Variants in LRRFIP1 observed in about 807,000 individuals in gnomAD.
The protein encoded by LRRFIP1 is leucine-rich repeat flightless-interacting protein 1.
LRRFIP1 carries 62 observed loss-of-function variants against 104.4 expected under a neutral mutation model. The ratio of observed to expected loss-of-function variants is 0.59; its 90% CI spans 0.48 to 0.73. LRRFIP1 has a LOEUF of 0.73. Ranked by LOEUF, LRRFIP1 falls within the 30% of genes least tolerant of loss-of-function variation. The pLI is 0.00. For synonymous variants in LRRFIP1, 300 were observed against 299.0 expected, an observed-to-expected ratio of 1.00 and a Z score of -0.03; for missense variants, 796 against 824.5, an observed-to-expected ratio of 0.97 and a Z score of 0.42.
intron 4 of LRRFIP1, among the ~76,000 whole-genome samples, chr2:237,718,845 A>G (rs1450786550): frequency 1.3e-5 from 2 of 152,230 alleles, no homozygotes. Context: ...TAGGCAAACC[A>G]TCATTTTAGG....
chr2:237,639,581 G>A (rs554902563), intron 1 of LRRFIP1, among the ~76,000 whole-genome samples: 16 of 152,100 alleles, frequency 1.1e-4, no homozygotes, highest in Non-Finnish European at 2.2e-4. Flanking sequence ...TGTTCTGCAC[G>A]GTTTATCTTT....
Position 237,717,807 on chromosome 2 carries a change from A to G in LRRFIP1, c.247A>G (p.Met83Val). The G allele has an allele frequency of 6.8e-6, 11 of 1,610,928 alleles. No individual in the cohort carries two copies. The highest frequency in any genetic ancestry group is 9.3e-6 in the Non-Finnish European group (11 of 1,177,070). ...AAAATGGGGTGACATCGAGCAGTGG[A>G]TGGTAGGCCTTGAATATAATTTTGT... is the stretch of plus-strand genomic sequence containing the variant. ...DTKWGDIEQW[M>V]EDSERYSRRS... The change falls in exon 4 of 24, where the codon ATG (methionine) becomes GTG (valine). Residue 83 changes from methionine to valine, a missense_variant and splice_region_variant. Coordinates refer to ENST00000308482, the MANE Select transcript of LRRFIP1 (RefSeq NM_001137550.2). This position sits in a 1 kb window ranked among gnomAD's most constrained non-coding sequence, Gnocchi z 4.2.
intron 1 of LRRFIP1, among the ~76,000 whole-genome samples, chr2:237,676,967 T>C (rs1460875074): frequency 1.3e-5 from 2 of 152,250 alleles, no homozygotes; most frequent in African/African-American, 4.8e-5. Flanking sequence ...GCTTTCGTCT[T>C]CCTCCTTTTG....
chr2:237,665,537 G>A (rs1025454655), intron 1 of LRRFIP1, among the ~76,000 whole-genome samples: 1 of 151,942 alleles, frequency 6.6e-6, no homozygotes, highest in African/African-American at 2.4e-5. Flanking sequence ...TTAAAATTGG[G>A]GTTTTATTCT....
At chr2:237,727,617 TTAAAAC>T (rs1245788438) in intron 7 of LRRFIP1, among the ~76,000 whole-genome samples, 2 of 152,154 alleles carry the variant, frequency 1.3e-5, no homozygotes, top group African/African-American at 4.8e-5. Context: ...TGGTGCCACT[TTAAAAC>T]TAAGAGTGGC....
At chr2:237,722,895 G>A (rs147036641) in intron 6 of LRRFIP1, among the ~76,000 whole-genome samples, 56 of 152,288 alleles carry the variant, frequency 3.7e-4, no homozygotes, top group African/African-American at 1.2e-3. Context: ...CACCGAACAG[G>A]GCACTCCCCA....
chr2:237,723,710 G>A, intron 7 of LRRFIP1, 124 bp downstream of exon 7: 2 of 1,200,338 alleles, frequency 1.7e-6, no homozygotes, highest in Admixed American at 1.8e-5. Context: ...GGGCTATGAG[G>A]CCAGGAGGGC....
chr2:237,633,706 C>A (rs2082712177), intron 1 of LRRFIP1, among the ~76,000 whole-genome samples: 1 of 152,060 alleles, frequency 6.6e-6, no homozygotes, highest in Admixed American at 6.5e-5. Flanking sequence ...AGTTCCGAGT[C>A]TCTCTGTTTG....
chr2:237,772,987 A>C (rs373944679), intron 22 of LRRFIP1, 42 bp downstream of exon 22: 23 of 1,503,548 alleles, frequency 1.5e-5, no homozygotes, highest in Non-Finnish European at 2.1e-5. Context: ...GATTGACTGG[A>C]GTTTTACTTG....
intron 8 of LRRFIP1, among the ~76,000 whole-genome samples, chr2:237,733,289 C>T (rs777764499): frequency 5.9e-5 from 9 of 152,244 alleles, no homozygotes; most frequent in Non-Finnish European, 1.0e-4. Flanking sequence ...GGCAGCCTTG[C>T]AGTGACTCCC....
intron 14 of LRRFIP1, among the ~76,000 whole-genome samples, chr2:237,751,725 A>G (rs2058654013): frequency 6.6e-6 from 1 of 152,204 alleles, no homozygotes; most frequent in Non-Finnish European, 1.5e-5. Flanking sequence ...AAACATCCCA[A>G]TTATTTGCAC....
chr2:237,666,041 G>C (rs916667096), intron 1 of LRRFIP1, among the ~76,000 whole-genome samples: 2 of 152,196 alleles, frequency 1.3e-5, no homozygotes, highest in Non-Finnish European at 2.9e-5. Context: ...TGGCATGGAC[G>C]GCCCCACCCT....
chr2:237,764,495 G>A, intron 19 of LRRFIP1: 2 of 1,118,218 alleles, frequency 1.8e-6, no homozygotes, highest in South Asian at 6.6e-5. Flanking sequence ...AAATATATCA[G>A]CATCTAATTG....
chr2:237,708,705 C>T (rs1374753433), intron 2 of LRRFIP1, 75 bp downstream of exon 2: 5 of 1,462,126 alleles, frequency 3.4e-6, no homozygotes, highest in East Asian at 2.4e-5. Context: ...GTGCAGGCAC[C>T]TGTTGCTGCA....
chr2:237,685,841 C>T (rs1338451637), intron 1 of LRRFIP1, among the ~76,000 whole-genome samples: 1 of 152,232 alleles, frequency 6.6e-6, no homozygotes, highest in African/African-American at 2.4e-5. Context: ...CTTGGTCCCG[C>T]CTTCCTTCAA....
At chr2:237,708,906 T>C (rs2093947879) in intron 2 of LRRFIP1, 1 of 570,262 alleles carries the variant, frequency 1.8e-6, no homozygotes, top group Non-Finnish European at 3.4e-6. Flanking sequence ...GGAGCCAAAA[T>C]GTTCAGGGTC....
Position 237,780,674 on chromosome 2 carries a change from A to C in LRRFIP1, c.*1142A>C, listed in dbSNP as rs2061413014. ...CTGAGTCAGTATCATCCAAAACCAT[A>C]TCTAGTCTTAACACATGGAGAATGC... On this transcript the variant is annotated 3_prime_UTR_variant, in exon 24 of 24. Transcript: ENST00000308482. Among the ~76,000 whole-genome samples, 1 of 152,172 alleles carries C rather than the reference A, an allele frequency of 6.6e-6. No individual in the cohort carries two copies. Among genetic ancestry groups the C allele is most frequent in the Non-Finnish European group, 1.5e-5 (1 of 68,036 alleles).
intron 1 of LRRFIP1, among the ~76,000 whole-genome samples, chr2:237,671,371 A>G (rs1370726917): frequency 6.6e-6 from 1 of 152,204 alleles, no homozygotes; most frequent in East Asian, 1.9e-4. Context: ...GATCCCACAA[A>G]TGCTAATTTG....
At chr2:237,764,420 A>C in intron 19 of LRRFIP1, 2 of 1,326,902 alleles carry the variant, frequency 1.5e-6, no homozygotes, top group Non-Finnish European at 1.9e-6. Flanking sequence ...TTTATAGTCC[A>C]CTTAATAAAA....
Sources: allele counts gnomAD v4.1 joint callset (sites outside exome capture counted in the v4.1 genomes callset), GRCh38; gene constraint gnomAD v4.1.1; non-coding constraint Gnocchi (gnomAD v3.1); transcripts MANE v1.5; gene names NCBI Gene and HGNC (gene_info 2026-07-23, HGNC 2026-07-21).